The following DLGAP1 variants were observed in gnomAD, a reference collection of about 807,000 sequenced individuals.
DLGAP1 encodes disks large-associated protein 1.
In DLGAP1, 11 loss-of-function variants were observed where a neutral mutation model predicts 90.8. That is an observed-to-expected ratio of 0.12 (90% confidence interval 0.08 to 0.20). DLGAP1 has a LOEUF of 0.20. Ranked by LOEUF, DLGAP1 falls within the 10% of genes least tolerant of loss-of-function variation. The pLI, the probability that DLGAP1 is intolerant of heterozygous loss-of-function variation, is 1.00. For missense variants in DLGAP1, 1,050 were observed against 1,333.8 expected (o/e 0.79, Z 3.31); for synonymous variants, 558 against 540.7 (o/e 1.03, Z -0.44).
At chr18:3,887,497 T>G (rs2071346926) in intron 3 of DLGAP1, among the ~76,000 whole-genome samples, 1 of 152,064 alleles carries the variant, frequency 6.6e-6, no homozygotes, top group Non-Finnish European at 1.5e-5. Context: ...CAAGAGCAGT[T>G]TATGAGAGAA....
intron 4 of DLGAP1, among the ~76,000 whole-genome samples, chr18:3,829,532 G>C (rs1429304870): frequency 1.3e-5 from 2 of 152,012 alleles, no homozygotes; most frequent in Non-Finnish European, 2.9e-5. Context: ...GATCAGTCAG[G>C]GTTCTCAGAA....
chr18:3,506,227 A>C (rs530237745), intron 11 of DLGAP1, among the ~76,000 whole-genome samples: 1 of 139,552 alleles, frequency 7.2e-6, no homozygotes, highest in Non-Finnish European at 1.6e-5. Flanking sequence ...ACAAGAGTGA[A>C]ACTCGGCCGG....
At chr18:3,846,909 A>G (rs913194448) in intron 4 of DLGAP1, among the ~76,000 whole-genome samples, 2 of 152,212 alleles carry the variant, frequency 1.3e-5, no homozygotes, top group Non-Finnish European at 1.5e-5. Flanking sequence ...CATTAAACCC[A>G]TTAAATTGTC....
At chr18:4,071,592 T>C (rs1402762244) in intron 2 of DLGAP1, among the ~76,000 whole-genome samples, 1 of 150,086 alleles carries the variant, frequency 6.7e-6, no homozygotes, top group Non-Finnish European at 1.5e-5. Context: ...CATTCTAAGG[T>C]AGAATTACCT....
chr18:4,364,193 G>A (rs2081701055), intron 1 of DLGAP1, among the ~76,000 whole-genome samples: 1 of 145,384 alleles, frequency 6.9e-6, no homozygotes, highest in Non-Finnish European at 1.5e-5. Flanking sequence ...ACTCATAGGT[G>A]GGAATTGAAC....
chr18:3,845,587 C>T, intron 4 of DLGAP1: 1 of 985,440 alleles, frequency 1.0e-6, no homozygotes, highest in South Asian at 4.7e-5. Context: ...CTCACTGTCC[C>T]AGCAAAATCA....
intron 2 of DLGAP1, among the ~76,000 whole-genome samples, chr18:4,076,684 C>T (rs112898592): frequency 2.1e-4 from 32 of 152,080 alleles, no homozygotes; most frequent in Admixed American, 7.9e-4. Context: ...AGTGCAGTGG[C>T]GTGATCTCGG....
intron 7 of DLGAP1, among the ~76,000 whole-genome samples, chr18:3,728,209 T>C (rs1279588779): frequency 1.3e-5 from 2 of 151,588 alleles, no homozygotes; most frequent in Non-Finnish European, 2.9e-5. Context: ...GATGATCTTC[T>C]TGTAGAATAC....
rs9946218 is a variant in DLGAP1, at chr18:3,683,545, C to G, written c.1591+45590G>C. Among the ~76,000 whole-genome samples the G allele has an allele frequency of 8.1e-3, 1,234 of 152,142 alleles. 19 individuals carry two copies. Among genetic ancestry groups the G allele is most frequent in the African/African-American group, 0.028 (1,178 of 41,496 alleles). Reference sequence around the variant, plus strand: ...ACGATGCATTTCAGTTTCAGAGAACCAGCTAAAAACCAAGGATGAAATAAT... The same window carrying G: ...ACGATGCATTTCAGTTTCAGAGAACGAGCTAAAAACCAAGGATGAAATAAT... On this transcript the variant is annotated intron_variant, in intron 7 of 12. Transcript: ENST00000315677.
At chr18:3,766,613 A>G (rs2064256785) in intron 5 of DLGAP1, among the ~76,000 whole-genome samples, 1 of 152,188 alleles carries the variant, frequency 6.6e-6, no homozygotes, top group African/African-American at 2.4e-5. Flanking sequence ...GAACTGAAAT[A>G]TACATAGTGT....
intron 2 of DLGAP1, among the ~76,000 whole-genome samples, chr18:4,120,495 A>T (rs1007173320): frequency 6.6e-6 from 1 of 152,206 alleles, no homozygotes; most frequent in African/African-American, 2.4e-5. Flanking sequence ...CATAGCTTGT[A>T]ATCATAAAAT....
chr18:4,051,970 A>C (rs145806737), intron 2 of DLGAP1, among the ~76,000 whole-genome samples: 1,852 of 152,346 alleles, frequency 0.012, 23 homozygotes, highest in East Asian at 0.04. Flanking sequence ...CTTTGACTCC[A>C]TGTCTCACAT....
At chr18:4,006,381 G>A (rs185799140) in intron 2 of DLGAP1, among the ~76,000 whole-genome samples, 1 of 152,284 alleles carries the variant, frequency 6.6e-6, no homozygotes, top group East Asian at 1.9e-4. Flanking sequence ...TCCATGGGAA[G>A]CACCATTTCA....
At chr18:4,066,088 T>C (rs1598338591) in intron 2 of DLGAP1, among the ~76,000 whole-genome samples, 1 of 152,142 alleles carries the variant, frequency 6.6e-6, no homozygotes, top group Non-Finnish European at 1.5e-5. Flanking sequence ...TAAATGGTGT[T>C]GGGATAACTG....
At chr18:3,867,905 ATGTT>A (rs1348568329) in intron 4 of DLGAP1, among the ~76,000 whole-genome samples, 1 of 152,164 alleles carries the variant, frequency 6.6e-6, no homozygotes, top group Non-Finnish European at 1.5e-5. Flanking sequence ...ATGAAATAAA[ATGTT>A]TCTTTTTCCA....
intron 11 of DLGAP1, among the ~76,000 whole-genome samples, chr18:3,502,899 G>C (rs2050019146): frequency 6.6e-6 from 1 of 152,022 alleles, no homozygotes; most frequent in Admixed American, 6.6e-5. Context: ...TGGTATGGGG[G>C]AAGGGTCTAA....
intron 1 of DLGAP1, among the ~76,000 whole-genome samples, chr18:4,441,854 C>T (rs1267712019): frequency 6.6e-6 from 1 of 152,172 alleles, no homozygotes; most frequent in Non-Finnish European, 1.5e-5. Context: ...TCTCGGATGC[C>T]AACCAATTGT....
At chr18:3,580,199 G>A in intron 8 of DLGAP1, 3 of 1,548,640 alleles carry the variant, frequency 1.9e-6, no homozygotes, top group South Asian at 2.2e-5. Context: ...GACGTCCAAA[G>A]TCAAACCTCC....
At chr18:3,869,418 C>T (rs991945764) in intron 4 of DLGAP1, among the ~76,000 whole-genome samples, 6 of 152,230 alleles carry the variant, frequency 3.9e-5, no homozygotes, top group African/African-American at 1.2e-4. Context: ...TAGTCTGGCA[C>T]GGTGACCTGA....
Sources: allele counts gnomAD v4.1 joint callset (sites outside exome capture counted in the v4.1 genomes callset), GRCh38; gene constraint gnomAD v4.1.1; transcripts MANE v1.5; gene names NCBI Gene and HGNC (gene_info 2026-07-23, HGNC 2026-07-21).